RBFOX1: variants seen among roughly 807,000 people sequenced by gnomAD.
RBFOX1 encodes RNA binding protein fox-1 homolog 1.
In RBFOX1, 8 loss-of-function variants were observed where a neutral mutation model predicts 57.7. The observed-to-expected ratio is 0.14, with a 90% CI of 0.08 to 0.25. The LOEUF (loss-of-function observed/expected upper bound fraction) is 0.25. Among genes scored for constraint, RBFOX1 ranks in the 10% least tolerant of loss-of-function variants. The pLI is 1.00. For synonymous variants in RBFOX1, 326 were observed against 222.4 expected, an observed-to-expected ratio of 1.47 and a Z score of -4.15; for missense variants, 611 against 548.5, an observed-to-expected ratio of 1.11 and a Z score of -1.14.
At chr16:6,736,099 A>G (rs1962531338) in intron 3 of RBFOX1, among the ~76,000 whole-genome samples, 2 of 151,900 alleles carry the variant, frequency 1.3e-5, no homozygotes, top group South Asian at 4.2e-4. Flanking sequence ...AAATTATTTT[A>G]GCCATCCAAG....
chr16:6,632,179 A>G lies in RBFOX1; in HGVS notation c.-63-22424A>G, dbSNP rs114586068. 9.5e-3 allele frequency among the ~76,000 whole-genome samples: 1,445 copies of G among 152,236 alleles called. 29 individuals are homozygous for G. The highest frequency in any genetic ancestry group is 0.033 in the African/African-American group (1,351 of 41,526). The stretch of plus-strand genomic sequence containing the variant: ...ATCCTTCACTTCCTCCTCCTTGAAG[A>G]CACTTAACTGCATCGGGTTTCTTTA... On this transcript the variant is annotated intron_variant, in intron 2 of 15. Transcript: ENST00000550418.
chr16:6,265,113 A>G (rs1256453893), intron 1 of RBFOX1, among the ~76,000 whole-genome samples: 1 of 152,114 alleles, frequency 6.6e-6, no homozygotes, highest in Non-Finnish European at 1.5e-5. Context: ...CATAACGGAG[A>G]CAGTTATCTG....
At chr16:6,906,586 G>T (rs891886823) in intron 3 of RBFOX1, among the ~76,000 whole-genome samples, 1 of 152,174 alleles carries the variant, frequency 6.6e-6, no homozygotes, top group Non-Finnish European at 1.5e-5. Flanking sequence ...GGGTACATCA[G>T]TAGTGTTTCC....
At chr16:6,029,791 A>G (rs977974612) in intron 1 of RBFOX1, among the ~76,000 whole-genome samples, 7 of 148,938 alleles carry the variant, frequency 4.7e-5, no homozygotes, top group East Asian at 2.0e-4. Context: ...AAAAAAAAAA[A>G]GGGGAAAGAA....
chr16:5,847,788 T>A (rs1021087666), intron 3 of RBFOX1, among the ~76,000 whole-genome samples: 1 of 151,928 alleles, frequency 6.6e-6, no homozygotes, highest in African/African-American at 2.4e-5. Context: ...CCTCTTAGGG[T>A]CGTCATGGAA....
At chr16:6,542,498 T>TTTTTTTTTTG (rs2096836109) in intron 2 of RBFOX1, among the ~76,000 whole-genome samples, 1 of 130,826 alleles carries the variant, frequency 7.6e-6, no homozygotes, top group Non-Finnish European at 1.6e-5. Context: ...TTTTTTTTTT[T>TTTTTTTTTTG]TTTTTTTTTG....
chr16:6,883,264 T>C (rs922674214), intron 3 of RBFOX1, among the ~76,000 whole-genome samples: 1 of 152,198 alleles, frequency 6.6e-6, no homozygotes, highest in East Asian at 1.9e-4. Context: ...TTTAAAGTTG[T>C]CCTAGACCTT....
intron 2 of RBFOX1, among the ~76,000 whole-genome samples, chr16:6,404,204 TA>T (rs2093189272): frequency 6.6e-6 from 1 of 152,208 alleles, no homozygotes; most frequent in African/African-American, 2.4e-5. Flanking sequence ...CAATACAGTA[TA>T]AAAATTTATT....
chr16:6,843,837 T>G (rs2093621278), intron 3 of RBFOX1, among the ~76,000 whole-genome samples: 1 of 152,188 alleles, frequency 6.6e-6, no homozygotes. Context: ...TAGGTTGAAG[T>G]TCTCCTGAAC....
chr16:7,114,978 G>C (rs1475146229), intron 4 of RBFOX1, among the ~76,000 whole-genome samples: 2 of 152,188 alleles, frequency 1.3e-5, no homozygotes, highest in South Asian at 2.1e-4. Context: ...GAAGTGATTT[G>C]AGGGTGAAAA....
At position 6,183,436 on chromosome 16, in the gene RBFOX1, C is replaced by T. The variant is rs142474594; in HGVS notation, c.-126-133559C>T. ...TGGAGGTTGCAGTGAGCCGAGATCG[C>T]GCCATTGTGCTCCAGTCTGGGTGAC... On this transcript the variant is annotated intron_variant, in intron 1 of 15. Coordinates refer to ENST00000550418, the MANE Select transcript of RBFOX1 (RefSeq NM_018723.4). 4.6e-5 allele frequency among the ~76,000 whole-genome samples: 7 copies of T among 151,324 alleles called. No individual in the cohort carries two copies. In the South Asian group the frequency reaches 6.3e-4, roughly 14 times the overall value.
intron 2 of RBFOX1, among the ~76,000 whole-genome samples, chr16:5,494,847 G>A (rs2042949512): frequency 6.6e-6 from 1 of 152,198 alleles, no homozygotes; most frequent in Non-Finnish European, 1.5e-5. Context: ...GAAAGGGCCA[G>A]TAGCAAATAT....
intron 2 of RBFOX1, among the ~76,000 whole-genome samples, chr16:5,534,130 A>G (rs1051291942): frequency 7.9e-5 from 12 of 152,088 alleles, no homozygotes; most frequent in African/African-American, 2.9e-4. Context: ...AGTCTGATTC[A>G]CTGAGCCTAG....
chr16:5,334,823 G>T (rs1263863122), intron 1 of RBFOX1, among the ~76,000 whole-genome samples: 2 of 151,604 alleles, frequency 1.3e-5, no homozygotes, highest in Non-Finnish European at 3.0e-5. Context: ...AATGACCACA[G>T]TTGGCCATCT....
intron 2 of RBFOX1, among the ~76,000 whole-genome samples, chr16:6,373,824 G>C (rs1299955160): frequency 6.6e-6 from 1 of 152,136 alleles, no homozygotes; most frequent in African/African-American, 2.4e-5. Context: ...AGCAATGTAT[G>C]TCTTTTTTGT....
chr16:7,224,726 A>T (rs2092982093), intron 4 of RBFOX1, among the ~76,000 whole-genome samples: 1 of 152,182 alleles, frequency 6.6e-6, no homozygotes, highest in Non-Finnish European at 1.5e-5. Flanking sequence ...AATCAATGGG[A>T]ATTGTCATTT....
At chr16:6,936,724 T>C (rs890262781) in intron 3 of RBFOX1, among the ~76,000 whole-genome samples, 2 of 152,084 alleles carry the variant, frequency 1.3e-5, no homozygotes, top group African/African-American at 4.8e-5. Flanking sequence ...CAAAAACTCA[T>C]ACAGCTAGAG....
chr16:5,383,114 C>A (rs186202955), intron 1 of RBFOX1, among the ~76,000 whole-genome samples: 2 of 152,300 alleles, frequency 1.3e-5, no homozygotes, highest in African/African-American at 4.8e-5. Context: ...GTTCCATCTG[C>A]CTAATTTCAC....
rs563516765 is a variant in RBFOX1 at position 6,183,296 on chromosome 16, A to C, written c.-126-133699A>C. Among the ~76,000 whole-genome samples the C allele has an allele frequency of 4.2e-3, 641 of 151,768 alleles. 1 individual carries two copies. Among genetic ancestry groups the C allele is most frequent in the African/African-American group, 8.5e-3 (354 of 41,418 alleles). The stretch of plus-strand genomic sequence containing the variant: ...GAGATCGAGACCATCCTGGGTAACA[A>C]GGTGAAACCCTGTCTCTACTAAAAA... On this transcript the variant is annotated intron_variant, in intron 1 of 15. Transcript: ENST00000550418.
Sources: allele counts gnomAD v4.1 joint callset (sites outside exome capture counted in the v4.1 genomes callset), GRCh38; gene constraint gnomAD v4.1.1; transcripts MANE v1.5; gene names NCBI Gene and HGNC (gene_info 2026-07-23, HGNC 2026-07-21).